Variants in TCN2 observed in about 807,000 individuals in gnomAD.
TCN2 encodes transcobalamin 2.
Under a neutral mutation model 48.6 loss-of-function variants are expected in TCN2, and 34 were observed. The observed-to-expected ratio is 0.70, with a 90% CI of 0.53 to 0.93. TCN2 has a LOEUF of 0.93. TCN2 is among the 40% of genes least tolerant of loss of function. TCN2 has a pLI of 0.00. For synonymous variants in TCN2, 283 were observed against 212.5 expected (o/e 1.33, Z -2.89); for missense variants, 652 against 526.1 (o/e 1.24, Z -2.34).
chr22:30,611,442 A>G (rs1277046321), intron 2 of TCN2, among the ~76,000 whole-genome samples: 6 of 152,176 alleles, frequency 3.9e-5, no homozygotes, highest in Non-Finnish European at 8.8e-5. Flanking sequence ...CTGACTCTGT[A>G]TGCTCCCCTC....
chr22:30,610,490 C>G (rs2087520313), intron 1 of TCN2, among the ~76,000 whole-genome samples: 1 of 152,234 alleles, frequency 6.6e-6, no homozygotes, highest in African/African-American at 2.4e-5. Context: ...GTTTCCTCTT[C>G]TGTGCAAAGC....
At chr22:30,624,343 G>C (rs564979925) in intron 8 of TCN2, among the ~76,000 whole-genome samples, 4 of 151,978 alleles carry the variant, frequency 2.6e-5, no homozygotes, top group Non-Finnish European at 5.9e-5. Context: ...CAAAGTGCTG[G>C]GATTACAGGC....
rs140035917 is a variant in TCN2 at position 30,617,588 on chromosome 22, C to T, written c.1106+93C>T. Reference sequence around the variant, plus strand: ...AGACGGGGAACAGAGGAGAGGGTTCCCTCGGGAGAGACACTGGCCCTGCTT... The same window carrying T: ...AGACGGGGAACAGAGGAGAGGGTTCTCTCGGGAGAGACACTGGCCCTGCTT... On this transcript the variant is annotated intron_variant, in intron 7 of 8. Transcript: ENST00000215838. 263 of 1,554,536 alleles carry T rather than the reference C, an allele frequency of 1.7e-4. 1 individual carries two copies. In the East Asian group the frequency reaches 4.8e-3, roughly 29 times the overall value.
rs753547731 is a variant in TCN2 at position 30,614,327 on chromosome 22, CCT to C, written c.428-19_428-18del. ...GCTGGGTGGGGGCAGAGAGGCAACC[CCT>C]CTGTTTTTTTCCCTCTCAGGGCATG... On this transcript the variant is annotated intron_variant, in intron 3 of 8. Coordinates refer to ENST00000215838, the MANE Select transcript of TCN2 (RefSeq NM_000355.4). The C allele has an allele frequency of 8.7e-5, 141 of 1,613,582 alleles. No homozygotes were observed. Among genetic ancestry groups the C allele is most frequent in the Non-Finnish European group, 1.0e-4 (119 of 1,179,784 alleles).
intron 8 of TCN2, among the ~76,000 whole-genome samples, chr22:30,623,919 T>C (rs200211254): frequency 0.057 from 684 of 11,910 alleles, 223 homozygotes; most frequent in Non-Finnish European, 0.084. Flanking sequence ...TATACACACA[T>C]ATATATGTAT....
chr22:30,617,647 C>T (rs1012428234), intron 7 of TCN2, 152 bp downstream of exon 7: 26 of 1,053,268 alleles, frequency 2.5e-5, no homozygotes, highest in Admixed American at 1.2e-4. Context: ...TTCTTGCCCA[C>T]GGTGTTATGG....
intron 7 of TCN2, among the ~76,000 whole-genome samples, chr22:30,619,863 A>G (rs775398033): frequency 1.3e-5 from 2 of 152,196 alleles, no homozygotes; most frequent in African/African-American, 2.4e-5. Flanking sequence ...TATTAAATAT[A>G]AAGTCTTTGG....
In TCN2 at chr22:30,615,729, C is replaced by G. The variant is rs142689742; in HGVS notation, c.882C>G (p.Pro294=). The part of the protein sequence containing the change: ...QNALMISQLL[P]VLNHKTYIDL... Reference sequence around the variant, plus strand: ...CTCTCATGATTTCCCAGCTGCTGCCCGTTCTGAACCACAAGACCTACATTG... The same window carrying G: ...CTCTCATGATTTCCCAGCTGCTGCCGGTTCTGAACCACAAGACCTACATTG... The change falls in exon 6 of 9, where the codon CCC becomes CCG. Residue 294 remains proline, a synonymous_variant. Coordinates refer to ENST00000215838, the MANE Select transcript of TCN2 (RefSeq NM_000355.4). 2 of 1,614,196 alleles carry G rather than the reference C, an allele frequency of 1.2e-6. No individual in the cohort carries two copies. The highest frequency in any genetic ancestry group is 1.7e-6 in the Non-Finnish European group (2 of 1,180,036).
intron 7 of TCN2, 129 bp downstream of exon 7, chr22:30,617,624 C>T (rs2087632858): frequency 4.1e-6 from 5 of 1,234,268 alleles, no homozygotes; most frequent in South Asian, 3.8e-5. Context: ...CTGCTTCTAC[C>T]TGCTCAGCTC....
At chr22:30,619,052 G>A (rs1780229491) in intron 7 of TCN2, among the ~76,000 whole-genome samples, 1 of 152,132 alleles carries the variant, frequency 6.6e-6, no homozygotes, top group African/African-American at 2.4e-5. Context: ...TTACAGGCAT[G>A]AGCCACTATG....
In TCN2 at chr22:30,626,604, G is replaced by T; in HGVS notation, c.*83G>T. 4 of 1,476,702 alleles carry T rather than the reference G, an allele frequency of 2.7e-6. No homozygotes were observed. In the East Asian group the frequency reaches 9.1e-5, roughly 34 times the overall value. The allele number at this position is 1,476,702 out of a possible 1,614,324, so 91.5% of individuals were successfully genotyped here. A position where few individuals can be genotyped will look rare whatever the true frequency, so the allele number is the denominator to read the frequency against. Reference sequence around the variant, plus strand: ...CCTGATGTCCCTGGAACAGGAACTCGCCTGACCCTGCTGCCACCTCCTGTG... The same window carrying T: ...CCTGATGTCCCTGGAACAGGAACTCTCCTGACCCTGCTGCCACCTCCTGTG... On this transcript the variant is annotated 3_prime_UTR_variant, in exon 9 of 9. Transcript: ENST00000215838.
chr22:30,623,977 T>C (rs1461912647), intron 8 of TCN2, among the ~76,000 whole-genome samples: 1 of 71,044 alleles, frequency 1.4e-5, no homozygotes, highest in Non-Finnish European at 3.1e-5. Context: ...CACACATATA[T>C]ATGTATACAT....
intron 1 of TCN2, among the ~76,000 whole-genome samples, chr22:30,609,378 G>A (rs1321981147): frequency 6.6e-6 from 1 of 152,046 alleles, no homozygotes; most frequent in Non-Finnish European, 1.5e-5. Context: ...GCTCACCCAA[G>A]GCTGCTTTTA....
In TCN2 at chr22:30,626,561, T is replaced by C. The variant is rs774093080; in HGVS notation, c.*40T>C. 45 of 1,608,120 alleles carry C rather than the reference T, an allele frequency of 2.8e-5. No individual in the cohort carries two copies. The African/African-American group carries it at 5.5e-4, about 20-fold the overall frequency. On this transcript the variant is annotated 3_prime_UTR_variant, in exon 9 of 9. Transcript: ENST00000215838. Reference sequence around the variant, plus strand: ...CATCCCAGCAGCCTCGCACACTCCCTAGGCTTCTACCCTCCCTCCTGATGT... The same window carrying C: ...CATCCCAGCAGCCTCGCACACTCCCCAGGCTTCTACCCTCCCTCCTGATGT...
intron 2 of TCN2, among the ~76,000 whole-genome samples, 159 bp from the exon 3 acceptor site, chr22:30,612,714 C>T (rs1370753006): frequency 1.3e-5 from 2 of 152,150 alleles, no homozygotes; most frequent in Non-Finnish European, 2.9e-5. Flanking sequence ...TGGCATACAC[C>T]TCACAACAAC....
intron 1 of TCN2, among the ~76,000 whole-genome samples, chr22:30,608,578 C>G (rs1203349338): frequency 6.6e-6 from 1 of 151,104 alleles, no homozygotes; most frequent in Non-Finnish European, 1.5e-5. Flanking sequence ...TTTGTAGAGA[C>G]AGGGTTTCGC....
chr22:30,623,358 G>A (rs796192176), intron 8 of TCN2: 26 of 377,602 alleles, frequency 6.9e-5, no homozygotes, highest in African/African-American at 4.0e-4. Flanking sequence ...TAGGAATAAC[G>A]TCTTTTATTT....
intron 7 of TCN2, among the ~76,000 whole-genome samples, chr22:30,622,601 C>G (rs2087714961): frequency 1.3e-5 from 2 of 152,136 alleles, no homozygotes; most frequent in African/African-American, 4.8e-5. Flanking sequence ...AGGCTTCACC[C>G]TCTCTCGTTG....
chr22:30,624,370 G>A (rs1225549326), intron 8 of TCN2, among the ~76,000 whole-genome samples: 1 of 151,870 alleles, frequency 6.6e-6, no homozygotes, highest in African/African-American at 2.4e-5. Flanking sequence ...CACCACGCCT[G>A]GCCTGCAAAC....
Sources: gnomAD v4.1 joint callset for allele counts (sites outside exome capture counted in the v4.1 genomes callset) on GRCh38, gnomAD v4.1.1 for gene constraint, MANE v1.5 for transcripts, NCBI Gene and HGNC (gene_info 2026-07-23, HGNC 2026-07-21) for gene names.